The following MED19 variants were observed in gnomAD, a reference collection of about 807,000 sequenced individuals.
The protein encoded by MED19 is mediator of RNA polymerase II transcription subunit 19.
MED19 carries 4 observed loss-of-function variants against 19.9 expected under a neutral mutation model. The ratio of observed to expected loss-of-function variants is 0.20; its 90% CI spans 0.10 to 0.46. The LOEUF (loss-of-function observed/expected upper bound fraction) is 0.46, where lower values mean the gene tolerates loss of function less well. Among genes scored for constraint, MED19 ranks in the 20% least tolerant of loss-of-function variants. MED19 has a pLI of 0.99. For missense variants in MED19, 303 were observed against 318.7 expected (o/e 0.95, Z 0.38); for synonymous variants, 139 against 119.6 (o/e 1.16, Z -1.06).
intron 4 of MED19, 62 bp downstream of exon 4, chr11:57,704,239 AT>A: frequency 2.0e-6 from 3 of 1,528,530 alleles, no homozygotes; most frequent in Non-Finnish European, 2.6e-6. Context: ...ACTCTAGGGT[AT>A]TTAGGACAGG....
rs184525085 is a variant in MED19 at position 57,704,940 on chromosome 11, C to A, written c.474+33G>T. ...AAAAACCATCTCCATGTTTAGGCCT[C>A]CCCATTTGCCTTCTTCCTCCAACAG... On this transcript the variant is annotated intron_variant, in intron 2 of 4. Coordinates refer to ENST00000431606, the Ensembl canonical transcript of MED19. The A allele has an allele frequency of 9.0e-5, 145 of 1,606,662 alleles. No individual in the cohort carries two copies. In the African/African-American group the frequency reaches 1.7e-3, roughly 19 times the overall value.
chr11:57,711,176 T>C (rs1223799319), intron 1 of MED19, among the ~76,000 whole-genome samples: 1 of 152,244 alleles, frequency 6.6e-6, no homozygotes, highest in East Asian at 1.9e-4. Flanking sequence ...AAATAATTTT[T>C]TGAATGAAGA....
At chr11:57,704,501 G>C in intron 3 of MED19, 105 bp from the exon 4 acceptor site, 2 of 1,575,378 alleles carry the variant, frequency 1.3e-6, no homozygotes, top group South Asian at 1.2e-5. Flanking sequence ...AACTGCTTTT[G>C]TCCAAATGGC....
intron 1 of MED19, among the ~76,000 whole-genome samples, 172 bp downstream of exon 1, chr11:57,711,790 AT>A (rs1197199088): frequency 6.6e-6 from 1 of 152,100 alleles, no homozygotes; most frequent in Non-Finnish European, 1.5e-5. Context: ...TCCTGGTTGA[AT>A]TCAAGTCATC....
At chr11:57,704,141 G>T in intron 4 of MED19, 35 bp from the exon 5 acceptor site, 1 of 1,535,894 alleles carries the variant, frequency 6.5e-7, no homozygotes, top group Non-Finnish European at 8.7e-7. Context: ...GAACAACTAG[G>T]AACTAGCCTT....
chr11:57,704,669 G>GTTTTT lies in MED19; in HGVS notation c.571+45_571+49dup, dbSNP rs34198151. ...GTTCAAACCAGATTCAGAAGGTCAG[G>GTTTTT]TTTTTTTTTTTTTTTTTTTTTTTTT... On this transcript the variant is annotated intron_variant, in intron 3 of 4. Transcript: ENST00000431606. 3,902 of 1,280,450 alleles carry GTTTTT rather than the reference G, an allele frequency of 3.0e-3. 3 individuals are homozygous for GTTTTT. The highest frequency in any genetic ancestry group is 3.8e-3 in the South Asian group (266 of 70,268). 79.3% of individuals were successfully genotyped at this position (1,280,450 alleles called of 1,614,324 possible).
chr11:57,710,357 G>A (rs1014328356), intron 1 of MED19, among the ~76,000 whole-genome samples: 1 of 152,154 alleles, frequency 6.6e-6, no homozygotes, highest in African/African-American at 2.4e-5. Context: ...GTGAGACCTT[G>A]TGTCTATAAA....
chr11:57,708,227 GA>G (rs1441208671), intron 1 of MED19, among the ~76,000 whole-genome samples: 5 of 152,060 alleles, frequency 3.3e-5, no homozygotes, highest in Non-Finnish European at 5.9e-5. Flanking sequence ...ACATGTTCCA[GA>G]TATTTTTGGA....
chr11:57,706,756 C>T (rs1946512520), intron 1 of MED19, among the ~76,000 whole-genome samples: 1 of 151,736 alleles, frequency 6.6e-6, no homozygotes, highest in Non-Finnish European at 1.5e-5. Flanking sequence ...CAAAACAAAA[C>T]AACAAAAACA....
chr11:57,711,037 C>T (rs570296644), intron 1 of MED19, among the ~76,000 whole-genome samples: 2 of 152,326 alleles, frequency 1.3e-5, no homozygotes, highest in East Asian at 1.9e-4. Context: ...TAACCACTTT[C>T]TGACATTATC....
intron 1 of MED19, among the ~76,000 whole-genome samples, chr11:57,709,602 A>G (rs919450529): frequency 6.6e-6 from 1 of 152,146 alleles, no homozygotes; most frequent in Admixed American, 6.5e-5. Flanking sequence ...CTATCATCCA[A>G]GCTGGAGTGC....
chr11:57,708,693 ACTC>A (rs1394194093), intron 1 of MED19, among the ~76,000 whole-genome samples: 2 of 151,764 alleles, frequency 1.3e-5, no homozygotes, highest in East Asian at 3.9e-4. Flanking sequence ...TCCTAACTAA[ACTC>A]CTTGAAAAGC....
chr11:57,711,513 C>A (rs543492175), intron 1 of MED19, among the ~76,000 whole-genome samples: 15 of 152,304 alleles, frequency 9.8e-5, no homozygotes, highest in African/African-American at 3.6e-4. Flanking sequence ...GCCACCACGC[C>A]CAGGTAATTT....
intron 1 of MED19, among the ~76,000 whole-genome samples, chr11:57,709,451 A>C (rs1946539592): frequency 6.6e-6 from 1 of 152,092 alleles, no homozygotes; most frequent in South Asian, 2.1e-4. Flanking sequence ...CCACCTCTTC[A>C]AACTTGTTCC....
exon 1 of MED19, chr11:57,712,082 G>A: frequency 2.0e-6 from 3 of 1,526,150 alleles, no homozygotes; most frequent in East Asian, 2.5e-5. Flanking sequence ...CGCAGGAGGC[G>A]GTGGCGGGGG....
intron 4 of MED19, 52 bp downstream of exon 4, chr11:57,704,250 G>C: frequency 6.5e-7 from 1 of 1,529,022 alleles, no homozygotes; most frequent in Non-Finnish European, 8.7e-7. Context: ...TTTAGGACAG[G>C]GGTGAGATCT....
At position 57,704,960 on chromosome 11, in the gene MED19, C is replaced by T; in HGVS notation, c.474+13G>A. The stretch of plus-strand genomic sequence containing the variant: ...GGCCTCCCCATTTGCCTTCTTCCTC[C>T]AACAGGACTCACCGGGCCAGTGTGG... On this transcript the variant is annotated intron_variant, in intron 2 of 4. Transcript: ENST00000431606. The T allele has an allele frequency of 6.2e-7, 1 of 1,610,646 alleles. No homozygotes were observed. The highest frequency in any genetic ancestry group is 1.7e-5 in the Admixed American group (1 of 59,808).
intron 4 of MED19, 52 bp from the exon 5 acceptor site, chr11:57,704,158 G>C (rs557801347): frequency 6.5e-7 from 1 of 1,535,462 alleles, no homozygotes; most frequent in South Asian, 1.2e-5. Flanking sequence ...CCTTGGCTTT[G>C]ATCAGGCTGT....
rs991986585 is a variant in MED19, at chr11:57,704,281, G to C, written c.666+21C>G. 2.6e-6 allele frequency: 4 copies of C among 1,532,208 alleles called. No individual in the cohort carries two copies. In the African/African-American group the frequency reaches 5.5e-5, roughly 21 times the overall value. The allele number at this position is 1,532,208 out of a possible 1,614,324, so 94.9% of individuals were successfully genotyped here. ...GATCTGGGGAAACTCACTGGGTTGT[G>C]GCAATAGGCCTCTACTCTACCTTCT... On this transcript the variant is annotated intron_variant, in intron 4 of 4. Coordinates refer to ENST00000431606, the Ensembl canonical transcript of MED19.
Sources: gnomAD v4.1 joint callset for allele counts (sites outside exome capture counted in the v4.1 genomes callset) on GRCh38, gnomAD v4.1.1 for gene constraint, MANE v1.5 for transcripts, NCBI Gene and HGNC (gene_info 2026-07-23, HGNC 2026-07-21) for gene names.